The following SMCO4 variants were observed in gnomAD, a reference collection of about 807,000 sequenced individuals.
SMCO4 encodes single-pass membrane and coiled-coil domain-containing protein 4.
A neutral mutation model predicts 3.6 loss-of-function variants in SMCO4; 4 were observed. That is an observed-to-expected ratio of 1.11 (90% CI 0.54 to 2.53). The LOEUF is 2.53. Ranked by LOEUF, SMCO4 falls within the 30% of genes most tolerant of loss-of-function variation. The probability of loss-of-function intolerance (pLI) is 0.02; values close to 1 mark genes in which losing one functional copy is unlikely to be tolerated. For missense variants in SMCO4, 70 were observed against 80.8 expected, an observed-to-expected ratio of 0.87 and a Z score of 0.51; for synonymous variants, 36 against 35.3, an observed-to-expected ratio of 1.02 and a Z score of -0.07.
At chr11:93,533,441 G>C (rs1949181982) in intron 1 of SMCO4, among the ~76,000 whole-genome samples, 1 of 152,208 alleles carries the variant, frequency 6.6e-6, no homozygotes, top group Non-Finnish European at 1.5e-5. Flanking sequence ...TGGCAGTGCA[G>C]GGAAGAAGGG....
chr11:93,534,133 A>C (rs902795535), intron 1 of SMCO4, among the ~76,000 whole-genome samples: 7 of 150,850 alleles, frequency 4.6e-5, no homozygotes, highest in African/African-American at 1.7e-4. Flanking sequence ...AGAGGTTGAA[A>C]TGAGCTAAGA....
intron 1 of SMCO4, among the ~76,000 whole-genome samples, chr11:93,536,449 T>C (rs745372056): frequency 2.2e-4 from 34 of 152,186 alleles, no homozygotes; most frequent in Non-Finnish European, 7.3e-5. Context: ...GGAAAATATT[T>C]TGTAGGCAAA....
the SMCO4 span, among the ~76,000 whole-genome samples, chr11:93,550,758 A>C: frequency 6.6e-6 from 1 of 152,182 alleles, no homozygotes; most frequent in East Asian, 1.9e-4. Flanking sequence ...TGGTGTGTTT[A>C]GAAGGGAGCA....
At chr11:93,492,629 C>A (rs1027501745) in intron 2 of SMCO4, among the ~76,000 whole-genome samples, 1 of 152,174 alleles carries the variant, frequency 6.6e-6, no homozygotes, top group African/African-American at 2.4e-5. Context: ...AAGGCTGGAG[C>A]AAGCCCCAAG....
At chr11:93,521,200 C>A (rs1184567231) in intron 1 of SMCO4, among the ~76,000 whole-genome samples, 1 of 152,174 alleles carries the variant, frequency 6.6e-6, no homozygotes, top group African/African-American at 2.4e-5. Context: ...CCTTTCACTG[C>A]CACAGCCAAA....
At chr11:93,499,519 A>G (rs1240242441) in intron 1 of SMCO4, among the ~76,000 whole-genome samples, 171 bp from the exon 2 acceptor site, 1 of 152,218 alleles carries the variant, frequency 6.6e-6, no homozygotes, top group Non-Finnish European at 1.5e-5. Context: ...AAGGGCAGAC[A>G]GACAGATACA....
In SMCO4 at chr11:93,494,964, G is replaced by A. The variant is rs115506333; in HGVS notation, c.-81+4312C>T. ...TTTTGCACTCAACTCCCACCCCACC[G>A]TGCCCTCCACCACAGCAGCGACCCT... On this transcript the variant is annotated intron_variant, in intron 2 of 2. Coordinates refer to ENST00000298966, the MANE Select transcript of SMCO4 (RefSeq NM_020179.3). Among the ~76,000 whole-genome samples the A allele has an allele frequency of 6.5e-3, 981 of 152,030 alleles. 10 individuals carry two copies. Among genetic ancestry groups the A allele is most frequent in the African/African-American group, 0.021 (891 of 41,464 alleles).
chr11:93,484,056 C>T (rs777414364), intron 2 of SMCO4, among the ~76,000 whole-genome samples: 13 of 152,166 alleles, frequency 8.5e-5, no homozygotes, highest in African/African-American at 2.4e-4. Flanking sequence ...ACCAGGGAAA[C>T]GGAAACTTCA....
intron 1 of SMCO4, among the ~76,000 whole-genome samples, chr11:93,518,093 C>T (rs1040019100): frequency 6.6e-6 from 1 of 150,486 alleles, no homozygotes; most frequent in Non-Finnish European, 1.5e-5. Context: ...ACTTGGCAGT[C>T]GATCCACACA....
chr11:93,527,308 C>T (rs1949118293), intron 1 of SMCO4, among the ~76,000 whole-genome samples: 1 of 152,150 alleles, frequency 6.6e-6, no homozygotes, highest in South Asian at 2.1e-4. Context: ...TCAAATCCTG[C>T]CTCTGAAGCT....
intron 2 of SMCO4, among the ~76,000 whole-genome samples, chr11:93,489,132 T>G (rs1948684981): frequency 6.6e-6 from 1 of 152,122 alleles, no homozygotes; most frequent in Non-Finnish European, 1.5e-5. Flanking sequence ...CAGGGAAGAC[T>G]CGGAGGCAGT....
intron 2 of SMCO4, chr11:93,481,428 C>T (rs1948591164): frequency 5.1e-6 from 5 of 985,430 alleles, no homozygotes; most frequent in Non-Finnish European, 6.0e-6. Context: ...GAGTGATGCC[C>T]ACCTTCGCGG....
upstream of SMCO4, among the ~76,000 whole-genome samples, chr11:93,544,956 G>T (rs1473691606): frequency 6.6e-6 from 1 of 152,204 alleles, no homozygotes; most frequent in African/African-American, 2.4e-5. Flanking sequence ...ACACGCGTGT[G>T]TGAGGTAAGT....
chr11:93,489,356 G>C (rs1948687611), intron 2 of SMCO4, among the ~76,000 whole-genome samples: 1 of 152,192 alleles, frequency 6.6e-6, no homozygotes, highest in Non-Finnish European at 1.5e-5. Flanking sequence ...AATTATGTAT[G>C]AAAAATAATT....
rs1948553956 is a variant in SMCO4 at position 93,478,957 on chromosome 11, C to A, written c.*53G>T. ...ATGAAAGCCATTTTTTGTTTGCGTC[C>A]CCCTCCCGCGCCTCCTCTCCCTGCC... is the stretch of plus-strand genomic sequence containing the variant. On this transcript the variant is annotated 3_prime_UTR_variant, in exon 3 of 3. Transcript: ENST00000298966. 5.8e-6 allele frequency: 9 copies of A among 1,550,290 alleles called. No individual in the cohort carries two copies. The highest frequency in any genetic ancestry group is 7.0e-6 in the Non-Finnish European group (8 of 1,150,264).
At chr11:93,543,668 T>G (rs1487584600), upstream of SMCO4, among the ~76,000 whole-genome samples, 7 of 152,318 alleles carry the variant, frequency 4.6e-5, no homozygotes, top group South Asian at 1.4e-3. Flanking sequence ...TGTTGATATA[T>G]TTCCTGCTTC....
Position 93,528,106 on chromosome 11 carries a change from T to TA in SMCO4, c.-154+15169dup, listed in dbSNP as rs200184185. 1.4e-3 allele frequency among the ~76,000 whole-genome samples: 217 copies of TA among 151,860 alleles called. 4 individuals are homozygous for TA. The highest frequency in any genetic ancestry group is 3.5e-3 in the African/African-American group (146 of 41,460). On this transcript the variant is annotated intron_variant, in intron 1 of 2. Transcript: ENST00000298966. ...TTATAAAGACAGTACATGCTCATTG[T>TA]AAAAAAAATGCTTAAAAAGCCCTCC...
intron 1 of SMCO4, among the ~76,000 whole-genome samples, chr11:93,502,931 G>A (rs1166642266): frequency 6.6e-6 from 1 of 152,196 alleles, no homozygotes; most frequent in African/African-American, 2.4e-5. Flanking sequence ...TAGGTGTTCT[G>A]TATATGTTAA....
At chr11:93,536,136 G>A (rs1320804757) in intron 1 of SMCO4, among the ~76,000 whole-genome samples, 1 of 152,052 alleles carries the variant, frequency 6.6e-6, no homozygotes, top group Non-Finnish European at 1.5e-5. Flanking sequence ...GAAGCCAAAT[G>A]ATGAGGTTTG....
Sources: allele counts gnomAD v4.1 joint callset (sites outside exome capture counted in the v4.1 genomes callset), GRCh38; gene constraint gnomAD v4.1.1; transcripts MANE v1.5; gene names NCBI Gene and HGNC (gene_info 2026-07-23, HGNC 2026-07-21).